LARP1B: variants seen among roughly 807,000 people sequenced by gnomAD.
The protein encoded by LARP1B is la-related protein 1B.
In LARP1B, 76 loss-of-function variants were observed where a neutral mutation model predicts 114.2. The observed-to-expected ratio is 0.67, with a 90% CI of 0.55 to 0.81. The LOEUF is 0.81. Among genes scored for constraint, LARP1B ranks in the 30% least tolerant of loss-of-function variants. LARP1B has a pLI of 0.00. For missense variants in LARP1B, 1,014 were observed against 1,075.8 expected (o/e 0.94, Z 0.80); for synonymous variants, 345 against 348.0 (o/e 0.99, Z 0.10).
At chr4:128,093,350 A>C (rs1275688966) in intron 7 of LARP1B, among the ~76,000 whole-genome samples, 1 of 152,150 alleles carries the variant, frequency 6.6e-6, no homozygotes, top group Non-Finnish European at 1.5e-5. Context: ...TAATCCTAGC[A>C]CTTTGGGAGG....
At chr4:128,213,419 T>C (rs1220249246), downstream of LARP1B, among the ~76,000 whole-genome samples, 1 of 152,176 alleles carries the variant, frequency 6.6e-6, no homozygotes, top group East Asian at 1.9e-4. Context: ...ATTTATGGAG[T>C]GTTTTCACTT....
At chr4:128,076,367 T>C (rs1767872632) in intron 3 of LARP1B, among the ~76,000 whole-genome samples, 1 of 152,196 alleles carries the variant, frequency 6.6e-6, no homozygotes, top group Non-Finnish European at 1.5e-5. Flanking sequence ...TAGAATTTTA[T>C]ATATGTGGAA....
intron 11 of LARP1B, among the ~76,000 whole-genome samples, chr4:128,144,960 T>C (rs1729680160): frequency 6.6e-6 from 1 of 152,086 alleles, no homozygotes; most frequent in Admixed American, 6.5e-5. Flanking sequence ...ACTGCTTTTT[T>C]ACCTTGACTA....
At chr4:128,181,484 CATCTA>C (rs1332729023) in intron 15 of LARP1B, among the ~76,000 whole-genome samples, 1 of 151,902 alleles carries the variant, frequency 6.6e-6, no homozygotes, top group Non-Finnish European at 1.5e-5. Flanking sequence ...CCAGCTGTCT[CATCTA>C]TTCTTCATTC....
intron 8 of LARP1B, among the ~76,000 whole-genome samples, chr4:128,099,715 TAC>T (rs61571039): frequency 0.014 from 2,152 of 151,004 alleles, 36 homozygotes; most frequent in Admixed American, 0.047. Context: ...GATATATATA[TAC>T]ACACACACAC....
intron 1 of LARP1B, among the ~76,000 whole-genome samples, chr4:128,072,178 T>C (rs1765622948): frequency 6.6e-6 from 1 of 152,066 alleles, no homozygotes; most frequent in South Asian, 2.1e-4. Flanking sequence ...TTTTGTGTTT[T>C]TTAGTAGAGA....
rs1333335425 is a variant in LARP1B at position 128,126,627 on chromosome 4, G to A, written c.1524+4439G>A. 5.3e-5 allele frequency among the ~76,000 whole-genome samples: 8 copies of A among 152,118 alleles called. No individual in the cohort carries two copies. The East Asian group carries it at 9.6e-4, about 18-fold the overall frequency. ...CAGATTAGACAGAATTAGAGAATTA[G>A]TCAATTGGAAGACTGTTCCCAAGAA... On this transcript the variant is annotated intron_variant, in intron 11 of 19. Transcript: ENST00000326639.
chr4:128,072,181 A>T (rs939642732), intron 1 of LARP1B, among the ~76,000 whole-genome samples: 5 of 151,850 alleles, frequency 3.3e-5, no homozygotes, highest in African/African-American at 1.2e-4. Flanking sequence ...TGTGTTTTTT[A>T]GTAGAGACGG....
intron 1 of LARP1B, among the ~76,000 whole-genome samples, chr4:128,072,031 G>A (rs1288657246): frequency 2.0e-5 from 3 of 151,774 alleles, no homozygotes; most frequent in Non-Finnish European, 4.4e-5. Flanking sequence ...ATGGAGTCTC[G>A]CTCTGTTCCT....
At chr4:128,117,604 G>A (rs979016620) in intron 10 of LARP1B, among the ~76,000 whole-genome samples, 2 of 151,490 alleles carry the variant, frequency 1.3e-5, no homozygotes, top group African/African-American at 4.8e-5. Context: ...GGCTGTTCTC[G>A]AACTCCTGAC....
intron 19 of LARP1B, among the ~76,000 whole-genome samples, chr4:128,209,300 A>C (rs1758451141): frequency 6.6e-6 from 1 of 152,012 alleles, no homozygotes; most frequent in Non-Finnish European, 1.5e-5. Context: ...TTGCGCCTCT[A>C]CTCCCAGCTA....
chr4:128,076,576 G>A (rs569262962), intron 3 of LARP1B, among the ~76,000 whole-genome samples: 58 of 152,264 alleles, frequency 3.8e-4, no homozygotes, highest in African/African-American at 1.4e-3. Flanking sequence ...ATGAACGTTT[G>A]TGTAGAAAAT....
Position 128,219,245 on chromosome 4 carries a change from C to T in LARP1B, n.849-1110C>T, listed in dbSNP as rs1317984099. On this transcript the variant is annotated intron_variant and non_coding_transcript_variant, in intron 6 of 7. Transcript: ENST00000503725. ...TGTGGAAGTCAGTGTGGCAATTCCT[C>T]AGGGATCTAGAACTAGAAATACCAT... 9.4e-4 allele frequency among the ~76,000 whole-genome samples: 130 copies of T among 138,402 alleles called. No individual in the cohort carries two copies. The East Asian group carries it at 0.024, about 26-fold the overall frequency. 90.8% of individuals were successfully genotyped at this position (138,402 alleles called of 152,430 possible). A position where few individuals can be genotyped will look rare whatever the true frequency, so the allele number is the denominator to read the frequency against.
chr4:128,192,386 G>T (rs557933230), intron 15 of LARP1B, among the ~76,000 whole-genome samples: 83 of 152,186 alleles, frequency 5.5e-4, no homozygotes, highest in Non-Finnish European at 2.6e-4. Flanking sequence ...ACATCCTGAT[G>T]AACCCTTTGT....
At chr4:128,149,612 GGAGAGAAT>G (rs1731803092) in intron 11 of LARP1B, among the ~76,000 whole-genome samples, 1 of 152,194 alleles carries the variant, frequency 6.6e-6, no homozygotes, top group African/African-American at 2.4e-5. Flanking sequence ...GGAAAACCTA[GGAGAGAAT>G]GATCTTAAGA....
intron 11 of LARP1B, among the ~76,000 whole-genome samples, chr4:128,133,197 G>A (rs1280849044): frequency 1.3e-5 from 2 of 152,186 alleles, no homozygotes; most frequent in Admixed American, 1.3e-4. Context: ...AGGAAATGTG[G>A]AGTGACTGTT....
chr4:128,193,092 C>G (rs1169326174), intron 15 of LARP1B, among the ~76,000 whole-genome samples: 2 of 152,132 alleles, frequency 1.3e-5, no homozygotes, highest in Non-Finnish European at 2.9e-5. Context: ...CCTTAGCCTC[C>G]CAAGGTGTTG....
At chr4:128,175,025 AAT>A (rs1452673949) in intron 12 of LARP1B, among the ~76,000 whole-genome samples, 2 of 152,062 alleles carry the variant, frequency 1.3e-5, no homozygotes, top group Non-Finnish European at 1.5e-5. Context: ...CTTAATCTAT[AAT>A]GATTTCTCTT....
chr4:128,187,944 C>T (rs1001981616), intron 15 of LARP1B, among the ~76,000 whole-genome samples: 1 of 152,130 alleles, frequency 6.6e-6, no homozygotes, highest in African/African-American at 2.4e-5. Flanking sequence ...AAGTGCTGCT[C>T]CCCCTGCCTT....
Sources: allele counts gnomAD v4.1 joint callset (sites outside exome capture counted in the v4.1 genomes callset), GRCh38; gene constraint gnomAD v4.1.1; transcripts MANE v1.5; gene names NCBI Gene and HGNC (gene_info 2026-07-23, HGNC 2026-07-21).